The following KDM5A variants were observed in gnomAD, a reference collection of about 807,000 sequenced individuals.
KDM5A encodes the protein lysine demethylase 5A.
KDM5A carries 42 observed loss-of-function variants against 193.5 expected under a neutral mutation model. That is an observed-to-expected ratio of 0.22 (90% CI 0.17 to 0.28). The LOEUF is 0.28. KDM5A is among the 10% of genes least tolerant of loss of function. The pLI is 1.00. For synonymous variants in KDM5A, 796 were observed against 718.1 expected, an observed-to-expected ratio of 1.11 and a Z score of -1.73; for missense variants, 1,692 against 2,055.1, an observed-to-expected ratio of 0.82 and a Z score of 3.42.
intron 10 of KDM5A, among the ~76,000 whole-genome samples, chr12:339,614 T>C (rs1943975939): frequency 6.6e-6 from 1 of 152,224 alleles, no homozygotes; most frequent in South Asian, 2.1e-4. Context: ...TTAGGACATT[T>C]AGCAAAATAA....
In KDM5A at chr12:323,177, G is replaced by C; in HGVS notation, c.2180C>G (p.Ser727Cys). 3.8e-6 allele frequency: 4 copies of C among 1,046,256 alleles called. No individual in the cohort carries two copies. The highest frequency in any genetic ancestry group is 5.3e-6 in the Non-Finnish European group (4 of 757,894). The allele number at this position is 1,046,256 out of a possible 1,614,324, so 64.8% of individuals were successfully genotyped here. A position where few individuals can be genotyped will look rare whatever the true frequency, so the allele number is the denominator to read the frequency against. Residue 727 changes from serine to cysteine, a missense_variant, in exon 16 of 28, where the codon TCT (serine) becomes TGT (cysteine). Physicochemically the swap from Ser to Cys is moderately radical, Grantham distance 112. Transcript: ENST00000399788. ...CCTGACTTTTACACCATATAGCAGA[G>C]AAGGGAGGTCTTCTAATGGGTAGCG... ...RYRYPLEDLP[S>C]LLYGVKVRAQ...
At chr12:315,062 G>A (rs1448985123) in intron 19 of KDM5A, among the ~76,000 whole-genome samples, 2 of 152,162 alleles carry the variant, frequency 1.3e-5, no homozygotes, top group East Asian at 3.9e-4. Context: ...ATGAATTAGA[G>A]AGGGGTAAGA....
intron 24 of KDM5A, among the ~76,000 whole-genome samples, chr12:301,005 C>T (rs560700831): frequency 1.3e-5 from 2 of 151,952 alleles, no homozygotes; most frequent in Non-Finnish European, 2.9e-5. Context: ...CTGAATAGAC[C>T]AATCAAGTTC....
intron 6 of KDM5A, 66 bp from the exon 7 acceptor site, chr12:355,315 C>T (rs1214350809): frequency 1.1e-6 from 1 of 871,634 alleles, no homozygotes; most frequent in African/African-American, 1.7e-5. Flanking sequence ...GGACCAGACA[C>T]TATTTAAAAT....
chr12:283,548 CTTTT>C lies in KDM5A; in HGVS notation c.*1904_*1907del, dbSNP rs1248802255. The C allele has an allele frequency of 8.7e-6, 2 of 230,136 alleles. No homozygotes were observed. The highest frequency in any genetic ancestry group is 3.7e-4 in the South Asian group (2 of 5,452). The allele number at this position is 230,136 out of a possible 1,614,324, so 14.3% of individuals were successfully genotyped here. ...GAAATTGGATTTTATAAGAAAACATCTTTTTTTTTGTAAGATTCCTTTTGAGTTA... is the reference window on the plus strand; with the variant it reads ...GAAATTGGATTTTATAAGAAAACATCTTTTTGTAAGATTCCTTTTGAGTTA... On this transcript the variant is annotated 3_prime_UTR_variant, in exon 28 of 28. Transcript: ENST00000399788.
At chr12:384,445 A>AC (rs1227990839) in intron 2 of KDM5A, among the ~76,000 whole-genome samples, 1 of 152,004 alleles carries the variant, frequency 6.6e-6, no homozygotes, top group Non-Finnish European at 1.5e-5. Context: ...CATCCTCCAT[A>AC]CCCCCATCCA....
Position 350,728 on chromosome 12 carries a change from T to C in KDM5A, c.1201A>G (p.Ile401Val). The C allele has an allele frequency of 6.2e-7, 1 of 1,614,122 alleles. No homozygotes were observed. Among genetic ancestry groups the C allele is most frequent in the Non-Finnish European group, 8.5e-7 (1 of 1,180,000 alleles). The change falls in exon 10 of 28, where the codon ATT (isoleucine) becomes GTT (valine). Residue 401 changes from isoleucine (I) to valine (V), a missense_variant. Coordinates refer to ENST00000399788, the MANE Select transcript of KDM5A (RefSeq NM_001042603.3). ...EKEFWRLVSS[I>V]EEDVIVEYGA... ...TATTCCACAATAACATCTTCTTCAA[T>C]GCTGCTTACCAGCCGCCAAAATTCC...
chr12:368,647 G>A (rs1305495978), intron 3 of KDM5A, among the ~76,000 whole-genome samples: 5 of 152,094 alleles, frequency 3.3e-5, no homozygotes, highest in East Asian at 3.9e-4. Context: ...AAGGAGAATC[G>A]CTTGAACCCG....
intron 24 of KDM5A, among the ~76,000 whole-genome samples, chr12:299,748 C>A (rs1251571541): frequency 6.6e-6 from 1 of 151,896 alleles, no homozygotes; most frequent in Non-Finnish European, 1.5e-5. Context: ...AAAGACTAGC[C>A]AATTGGATAA....
chr12:286,847 G>A (rs567153415), intron 27 of KDM5A, among the ~76,000 whole-genome samples: 4 of 152,180 alleles, frequency 2.6e-5, no homozygotes, highest in African/African-American at 9.6e-5. Context: ...TATTCTACTT[G>A]TTTTGTTCCT....
chr12:313,471 T>C (rs1344664524), intron 19 of KDM5A, among the ~76,000 whole-genome samples: 1 of 152,186 alleles, frequency 6.6e-6, no homozygotes. Flanking sequence ...TCCCCGGTCA[T>C]TTAGTGTAAT....
At chr12:388,797 A>G (rs1259818370) in intron 1 of KDM5A, 130 bp downstream of exon 1, 2 of 1,188,566 alleles carry the variant, frequency 1.7e-6, no homozygotes, top group Non-Finnish European at 1.3e-6. Context: ...AAACATCCAG[A>G]AACAGGCTCC....
chr12:313,982 G>C (rs1453533357), intron 19 of KDM5A, among the ~76,000 whole-genome samples: 1 of 152,154 alleles, frequency 6.6e-6, no homozygotes, highest in Non-Finnish European at 1.5e-5. Flanking sequence ...GTGGAGGGTT[G>C]GAGGCAGGGG....
At chr12:303,532 G>A (rs551127389) in intron 24 of KDM5A, among the ~76,000 whole-genome samples, 48 of 152,136 alleles carry the variant, frequency 3.2e-4, no homozygotes, top group Non-Finnish European at 4.9e-4. Context: ...GCCTAGGGGA[G>A]GCATAGCATT....
At chr12:344,630 G>T (rs1206506091) in intron 10 of KDM5A, among the ~76,000 whole-genome samples, 2 of 152,136 alleles carry the variant, frequency 1.3e-5, no homozygotes, top group Non-Finnish European at 1.5e-5. Context: ...TTAAAGAAAA[G>T]AATTTTCAAC....
Position 282,716 on chromosome 12 carries a change from T to C in KDM5A, c.*2740A>G, listed in dbSNP as rs554237499. 3.0e-5 allele frequency: 7 copies of C among 232,892 alleles called. No homozygotes were observed. The highest frequency in any genetic ancestry group is 1.5e-4 in the African/African-American group (7 of 45,460). 14.4% of individuals were successfully genotyped at this position (232,892 alleles called of 1,614,324 possible). ...AATGATGAAGAATTGCAACTTCAGTTGCAGTTTAGAGGAGATAAGGGTAGA... is the reference window on the plus strand; with the variant it reads ...AATGATGAAGAATTGCAACTTCAGTCGCAGTTTAGAGGAGATAAGGGTAGA... On this transcript the variant is annotated 3_prime_UTR_variant, in exon 28 of 28. Coordinates refer to ENST00000399788, the MANE Select transcript of KDM5A (RefSeq NM_001042603.3).
intron 2 of KDM5A, among the ~76,000 whole-genome samples, chr12:384,882 G>A (rs1177634485): frequency 6.6e-6 from 1 of 152,064 alleles, no homozygotes; most frequent in Non-Finnish European, 1.5e-5. Flanking sequence ...AATTACAAGA[G>A]ACTAAAAAGA....
intron 10 of KDM5A, among the ~76,000 whole-genome samples, chr12:335,117 C>CA (rs1943913295): frequency 6.6e-6 from 1 of 151,948 alleles, no homozygotes; most frequent in Non-Finnish European, 1.5e-5. Flanking sequence ...TAACAATAAC[C>CA]AAAAAAACTT....
chr12:306,080 T>A (rs1943503748), intron 24 of KDM5A, among the ~76,000 whole-genome samples: 1 of 142,652 alleles, frequency 7.0e-6, no homozygotes, highest in African/African-American at 2.6e-5. Flanking sequence ...AAAGCAATCC[T>A]CCCACTTCAG....
Sources: gnomAD v4.1 joint callset for allele counts (sites outside exome capture counted in the v4.1 genomes callset) on GRCh38, gnomAD v4.1.1 for gene constraint, MANE v1.5 for transcripts, NCBI Gene and HGNC (gene_info 2026-07-23, HGNC 2026-07-21) for gene names.